CNTLN: variants seen among roughly 807,000 people sequenced by gnomAD.
The protein encoded by CNTLN is centlein.
In CNTLN, 212 loss-of-function variants were observed where a neutral mutation model predicts 180.0. That is an observed-to-expected ratio of 1.18 (90% CI 1.05 to 1.32). The LOEUF (loss-of-function observed/expected upper bound fraction) is 1.32. Among genes scored for constraint, CNTLN ranks in the 40% most tolerant of loss-of-function variants. CNTLN has a pLI of 0.00. For synonymous variants in CNTLN, 722 were observed against 563.1 expected (o/e 1.28, Z -3.99); for missense variants, 2,095 against 1,610.9 (o/e 1.30, Z -5.14).
intron 2 of CNTLN, among the ~76,000 whole-genome samples, chr9:17,164,749 G>T (rs12553574): frequency 6.7e-6 from 1 of 150,264 alleles, no homozygotes; most frequent in Admixed American, 6.6e-5. Context: ...GCCCAGCCAA[G>T]AACTCCTTAT....
Position 17,236,457 on chromosome 9 carries a change from A to C in CNTLN, c.718A>C (p.Ile240Leu). Residue 240 changes from isoleucine (I) to leucine (L), a missense_variant, in exon 5 of 26, where the codon ATA becomes CTA. Coordinates refer to ENST00000380647, the MANE Select transcript of CNTLN (RefSeq NM_017738.4). ...QNKEEQNRLV[I>L]KNLEEENKKL... The stretch of plus-strand genomic sequence containing the variant: ...CAAAGAAGAGCAAAACAGACTAGTT[A>C]TAAAAAATCTGGAGGAGGAAAACAA... 6.2e-7 allele frequency: 1 copy of C among 1,613,744 alleles called. No homozygotes were observed. The highest frequency in any genetic ancestry group is 8.5e-7 in the Non-Finnish European group (1 of 1,179,732).
chr9:17,225,467 T>C (rs2132078637), intron 2 of CNTLN, among the ~76,000 whole-genome samples: 1 of 152,184 alleles, frequency 6.6e-6, no homozygotes, highest in Non-Finnish European at 1.5e-5. Context: ...GAATACCATG[T>C]ATTTTATTTG....
chr9:17,320,492 T>TTTTGTTTG (rs144263085), intron 8 of CNTLN, among the ~76,000 whole-genome samples: 2 of 150,694 alleles, frequency 1.3e-5, no homozygotes, highest in African/African-American at 4.9e-5. Flanking sequence ...TTCCAATGCC[T>TTTTGTTTG]TTTGTTTGTT....
intron 2 of CNTLN, among the ~76,000 whole-genome samples, chr9:17,176,601 A>G (rs117027046): frequency 0.014 from 2,184 of 152,358 alleles, 22 homozygotes; most frequent in Non-Finnish European, 0.023. Flanking sequence ...GCTTCATAAA[A>G]TGAATCAGGA....
chr9:17,264,102 A>G (rs1391693596), intron 5 of CNTLN, among the ~76,000 whole-genome samples: 4 of 144,586 alleles, frequency 2.8e-5, no homozygotes, highest in Non-Finnish European at 4.5e-5. Flanking sequence ...GTTGTTTCAG[A>G]CATGAAGTCC....
intron 8 of CNTLN, among the ~76,000 whole-genome samples, chr9:17,312,343 T>TTTTA (rs1268084040): frequency 3.3e-5 from 1 of 30,378 alleles, no homozygotes; most frequent in South Asian, 5.4e-4. Context: ...ATTACTGTAT[T>TTTTA]TATATATATA....
chr9:17,323,134 T>C (rs955813969), intron 8 of CNTLN, among the ~76,000 whole-genome samples: 7 of 152,144 alleles, frequency 4.6e-5, no homozygotes, highest in Non-Finnish European at 8.8e-5. Flanking sequence ...GATAAAGGCT[T>C]GTGGATTTGC....
intron 2 of CNTLN, among the ~76,000 whole-genome samples, chr9:17,213,522 T>C (rs1417677476): frequency 6.6e-6 from 1 of 152,214 alleles, no homozygotes; most frequent in African/African-American, 2.4e-5. Flanking sequence ...CTGAGAAGCA[T>C]GTATATTCTG....
chr9:17,164,202 C>T (rs982179572), intron 2 of CNTLN, among the ~76,000 whole-genome samples: 1 of 150,922 alleles, frequency 6.6e-6, no homozygotes, highest in African/African-American at 2.4e-5. Context: ...ATCCTAGCTC[C>T]TCAGGAGGCT....
chr9:17,505,768 G>A (rs1041188236), downstream of CNTLN, among the ~76,000 whole-genome samples: 1 of 152,184 alleles, frequency 6.6e-6, no homozygotes, highest in South Asian at 2.1e-4. Flanking sequence ...TTAGGAAATA[G>A]AGAACATTTT....
At position 17,466,660 on chromosome 9, in the gene CNTLN, C is replaced by G. The variant is rs916421302; in HGVS notation, c.3670-46C>G. 4.0e-6 allele frequency: 6 copies of G among 1,492,030 alleles called. No individual in the cohort carries two copies. The African/African-American group carries it at 5.7e-5, about 14-fold the overall frequency. 92.4% of individuals were successfully genotyped at this position (1,492,030 alleles called of 1,614,324 possible). On this transcript the variant is annotated intron_variant, in intron 22 of 25. Coordinates refer to ENST00000380647, the MANE Select transcript of CNTLN (RefSeq NM_017738.4). ...ACATGTATAACTAACTCTTCCAAATCTGTTTATAAAATATCTTTTATTTTA... is the reference window on the plus strand; with the variant it reads ...ACATGTATAACTAACTCTTCCAAATGTGTTTATAAAATATCTTTTATTTTA...
chr9:17,523,947 C>A, the CNTLN span, among the ~76,000 whole-genome samples: 1 of 152,204 alleles, frequency 6.6e-6, no homozygotes, highest in African/African-American at 2.4e-5. Context: ...ACATTAAGAG[C>A]AGTTTTCACT....
rs1828096763 is a variant in CNTLN at position 17,273,652 on chromosome 9, A to G, written c.850-81A>G. ...AAACTATTTTTCTCTGTCATTTTGT[A>G]GAATAATTAAATATAACAGATGTTT... On this transcript the variant is annotated intron_variant, in intron 5 of 25. Transcript: ENST00000380647. 5 of 706,716 alleles carry G rather than the reference A, an allele frequency of 7.1e-6. No individual in the cohort carries two copies. The Admixed American group carries it at 9.5e-5, about 13-fold the overall frequency. 43.8% of individuals were successfully genotyped at this position (706,716 alleles called of 1,614,324 possible). A position where few individuals can be genotyped will look rare whatever the true frequency, so the allele number is the denominator to read the frequency against.
chr9:17,171,575 G>T, intron 2 of CNTLN, among the ~76,000 whole-genome samples: 1 of 152,186 alleles, frequency 6.6e-6, no homozygotes, highest in East Asian at 1.9e-4. Context: ...TGTGCAGGAA[G>T]TTGTGGTTGA....
rs1047248508 is a variant in CNTLN, at chr9:17,290,544, G to A, written c.984-7646G>A. On this transcript the variant is annotated intron_variant, in intron 6 of 25. Coordinates refer to ENST00000380647, the MANE Select transcript of CNTLN (RefSeq NM_017738.4). ...AGCTGTGGTGGGCTCCACCCAGTTC[G>A]AGCTTCCTGGCTGCTTTGTTTACCT... 5.1e-3 allele frequency among the ~76,000 whole-genome samples: 716 copies of A among 141,086 alleles called. 12 individuals carry two copies. Among genetic ancestry groups the A allele is most frequent in the African/African-American group, 0.017 (669 of 38,594 alleles). The allele number at this position is 141,086 out of a possible 152,430, so 92.6% of individuals were successfully genotyped here.
intron 24 of CNTLN, among the ~76,000 whole-genome samples, chr9:17,486,537 A>G (rs1832898675): frequency 6.6e-6 from 1 of 152,096 alleles, no homozygotes. Context: ...CAAGCATTTA[A>G]ATATACCGGA....
At chr9:17,398,507 G>A (rs1408768436) in intron 15 of CNTLN, among the ~76,000 whole-genome samples, 2 of 152,178 alleles carry the variant, frequency 1.3e-5, no homozygotes, top group Admixed American at 6.5e-5. Context: ...AGTTGCATAT[G>A]CAATTCTGGG....
chr9:17,222,526 C>T (rs1345590899), intron 2 of CNTLN, among the ~76,000 whole-genome samples: 4 of 151,902 alleles, frequency 2.6e-5, no homozygotes, highest in East Asian at 1.9e-4. Context: ...CAGGGGTTTC[C>T]GCTTTTGCAT....
In CNTLN at chr9:17,298,795, A is replaced by G. The variant is rs186276984; in HGVS notation, c.1146+443A>G. On this transcript the variant is annotated intron_variant, in intron 7 of 25. Coordinates refer to ENST00000380647, the MANE Select transcript of CNTLN (RefSeq NM_017738.4). ...ATTGCTGAGGAGGGCTTTAGGATCA[A>G]TATTTTCCAGGATTTTTCTCTGTTT... 6,096 of 986,258 alleles carry G rather than the reference A, an allele frequency of 6.2e-3. 28 individuals carry two copies. The highest frequency in any genetic ancestry group is 8.0e-3 in the Admixed American group (131 of 16,298). 61.1% of individuals were successfully genotyped at this position (986,258 alleles called of 1,614,324 possible). A position where few individuals can be genotyped will look rare whatever the true frequency, so the allele number is the denominator to read the frequency against.
Sources: allele counts gnomAD v4.1 joint callset (sites outside exome capture counted in the v4.1 genomes callset), GRCh38; gene constraint gnomAD v4.1.1; transcripts MANE v1.5; gene names NCBI Gene and HGNC (gene_info 2026-07-23, HGNC 2026-07-21).